Variants in SH3PXD2B observed in about 807,000 individuals in gnomAD.
SH3PXD2B encodes the protein SH3 and PX domain-containing protein 2B.
In SH3PXD2B, 37 loss-of-function variants were observed where a neutral mutation model predicts 73.1. That is an observed-to-expected ratio of 0.51 (90% CI 0.39 to 0.67). The LOEUF is 0.67. Ranked by LOEUF, SH3PXD2B falls within the 30% of genes least tolerant of loss-of-function variation. The pLI, the probability that SH3PXD2B is intolerant of heterozygous loss-of-function variation, is 0.00. For synonymous variants in SH3PXD2B, 457 were observed against 480.5 expected (o/e 0.95, Z 0.64); for missense variants, 1,053 against 1,197.8 (o/e 0.88, Z 1.78).
chr5:172,429,458 C>G (rs1299662706), intron 1 of SH3PXD2B, among the ~76,000 whole-genome samples: 2 of 152,176 alleles, frequency 1.3e-5, no homozygotes, highest in Non-Finnish European at 2.9e-5. Context: ...GAATCATCTA[C>G]CCTTTAAATC....
intron 1 of SH3PXD2B, among the ~76,000 whole-genome samples, chr5:172,438,385 G>T (rs1024257728): frequency 4.6e-5 from 7 of 152,300 alleles, no homozygotes; most frequent in African/African-American, 1.4e-4. Context: ...TTGGGGCAGG[G>T]CCGGGTTTGT....
At chr5:172,385,280 C>T in intron 4 of SH3PXD2B, among the ~76,000 whole-genome samples, 1 of 152,032 alleles carries the variant, frequency 6.6e-6, no homozygotes, top group East Asian at 1.9e-4. Flanking sequence ...GTGGCTTCCC[C>T]CCAAGACTAC....
chr5:172,443,461 C>T (rs1213254339), intron 1 of SH3PXD2B, among the ~76,000 whole-genome samples: 1 of 152,244 alleles, frequency 6.6e-6, no homozygotes, highest in African/African-American at 2.4e-5. Flanking sequence ...CACCCCTTTG[C>T]TTTTGAACCC....
chr5:172,423,187 T>C (rs1411236801), intron 1 of SH3PXD2B, among the ~76,000 whole-genome samples: 1 of 152,082 alleles, frequency 6.6e-6, no homozygotes, highest in Admixed American at 6.5e-5. Flanking sequence ...AGGTGACTAT[T>C]AGAGGTCAGA....
intron 1 of SH3PXD2B, among the ~76,000 whole-genome samples, chr5:172,443,627 C>G (rs950327550): frequency 2.0e-5 from 3 of 152,208 alleles, no homozygotes; most frequent in Admixed American, 1.3e-4. Context: ...TGGGCCAGAC[C>G]TGGCCCAGGG....
chr5:172,423,554 G>GT (rs34984907), intron 1 of SH3PXD2B, among the ~76,000 whole-genome samples: 53,523 of 144,648 alleles, frequency 0.37, 10,654 homozygotes, highest in East Asian at 0.69. Context: ...TTGGGGGGGG[G>GT]GGCGCACATT....
chr5:172,399,931 G>A (rs1758389580), intron 3 of SH3PXD2B, among the ~76,000 whole-genome samples: 1 of 152,174 alleles, frequency 6.6e-6, no homozygotes, highest in Non-Finnish European at 1.5e-5. Flanking sequence ...TAATGATAGT[G>A]TGTGGATGCC....
At chr5:172,360,571 C>T (rs1351870746) in intron 7 of SH3PXD2B, among the ~76,000 whole-genome samples, 1 of 152,208 alleles carries the variant, frequency 6.6e-6, no homozygotes, top group Non-Finnish European at 1.5e-5. Context: ...GTGGCTCACG[C>T]CTGCAATCCC....
intron 12 of SH3PXD2B, among the ~76,000 whole-genome samples, chr5:172,343,936 C>T (rs182500022): frequency 1.9e-3 from 287 of 152,048 alleles, no homozygotes; most frequent in South Asian, 0.01. Context: ...ACCTAACCCC[C>T]CTGAGTCTCA....
At position 172,376,030 on chromosome 5, in the gene SH3PXD2B, C is replaced by CTTTT. The variant is rs371476674; in HGVS notation, c.402-2219_402-2216dup. 5.8e-4 allele frequency among the ~76,000 whole-genome samples: 79 copies of CTTTT among 136,164 alleles called. 3 individuals are homozygous for CTTTT. In the South Asian group the frequency reaches 0.011, roughly 20 times the overall value. The allele number at this position is 136,164 out of a possible 152,430, so 89.3% of individuals were successfully genotyped here. A position where few individuals can be genotyped will look rare whatever the true frequency, so the allele number is the denominator to read the frequency against. ...CTTGACAATACTTGTCATGTATCTT[C>CTTTT]TTTTTTTTTTTTTTTTTGAGGTGGA... On this transcript the variant is annotated intron_variant, in intron 5 of 12. Coordinates refer to ENST00000311601, the MANE Select transcript of SH3PXD2B (RefSeq NM_001017995.3).
chr5:172,344,816 G>T (rs1327646654), intron 12 of SH3PXD2B, among the ~76,000 whole-genome samples: 1 of 152,168 alleles, frequency 6.6e-6, no homozygotes, highest in African/African-American at 2.4e-5. Flanking sequence ...GCAGGGGCCA[G>T]AGGATGCAGA....
intron 4 of SH3PXD2B, among the ~76,000 whole-genome samples, chr5:172,390,828 T>G (rs1003573528): frequency 8.7e-5 from 11 of 126,660 alleles, no homozygotes; most frequent in African/African-American, 4.4e-4. Flanking sequence ...TGTGTGTGTG[T>G]GTGTGTGTGT....
In SH3PXD2B at chr5:172,355,447, G is replaced by C. The variant is rs971456615; in HGVS notation, c.668-1442C>G. On this transcript the variant is annotated intron_variant, in intron 8 of 12. Coordinates refer to ENST00000311601, the MANE Select transcript of SH3PXD2B (RefSeq NM_001017995.3). The stretch of plus-strand genomic sequence containing the variant: ...AGTTCTGTTTGGTCCAGGTGGGAAA[G>C]GGTGCCACCCGGGTCCCAGAAAGAG... 3.3e-5 allele frequency among the ~76,000 whole-genome samples: 5 copies of C among 152,322 alleles called. No individual in the cohort carries two copies. The East Asian group carries it at 9.7e-4, about 29-fold the overall frequency.
intron 6 of SH3PXD2B, among the ~76,000 whole-genome samples, chr5:172,370,881 G>C (rs1481149026): frequency 1.3e-5 from 2 of 152,166 alleles, no homozygotes; most frequent in African/African-American, 2.4e-5. Flanking sequence ...GCTCTATAAT[G>C]CCATAATAAT....
Position 172,423,549 on chromosome 5 carries a change from G to C in SH3PXD2B, c.76-1053C>G, listed in dbSNP as rs535629254. 2.6e-3 allele frequency among the ~76,000 whole-genome samples: 374 copies of C among 142,972 alleles called. 8 individuals are homozygous for C. The highest frequency in any genetic ancestry group is 0.023 in the Admixed American group (333 of 14,628). 93.8% of individuals were successfully genotyped at this position (142,972 alleles called of 152,430 possible). ...TCACCCACTTGGATACGGGGTTGGGGGGGGGGGCGCACATTCTCTGTTCAT... is the reference window on the plus strand; with the variant it reads ...TCACCCACTTGGATACGGGGTTGGGCGGGGGGGCGCACATTCTCTGTTCAT... On this transcript the variant is annotated intron_variant, in intron 1 of 12. Transcript: ENST00000311601.
At position 172,432,477 on chromosome 5, in the gene SH3PXD2B, G is replaced by A. The variant is rs146277449; in HGVS notation, c.76-9981C>T. ...GAGTGTCGCTCATTCAACCTCAGCT[G>A]GGAACGTGCACGTTGGGTGACGCAA... On this transcript the variant is annotated intron_variant, in intron 1 of 12. Coordinates refer to ENST00000311601, the MANE Select transcript of SH3PXD2B (RefSeq NM_001017995.3). Among the ~76,000 whole-genome samples the A allele has an allele frequency of 4.8e-4, 73 of 152,282 alleles. 1 individual carries two copies. The East Asian group carries it at 8.3e-3, about 17-fold the overall frequency.
At chr5:172,344,371 T>C (rs1405299574) in intron 12 of SH3PXD2B, among the ~76,000 whole-genome samples, 4 of 152,052 alleles carry the variant, frequency 2.6e-5, no homozygotes, top group Non-Finnish European at 5.9e-5. Flanking sequence ...GCAGATCACC[T>C]GAGGTCAGGA....
At position 172,339,267 on chromosome 5, in the gene SH3PXD2B, C is replaced by T. The variant is rs745393171; in HGVS notation, c.1838G>A (p.Arg613Gln). 3.7e-5 allele frequency: 59 copies of T among 1,614,020 alleles called. No individual in the cohort carries two copies. Among genetic ancestry groups the T allele is most frequent in the East Asian group, 1.3e-4 (6 of 44,892 alleles). ...LAKEVKKPNL[R>Q]PISKSKTDLP... ...GTCAGTTTTGGATTTGGAGATGGGC[C>T]GGAGGTTGGGCTTCTTCACTTCCTT... Residue 613 changes from arginine to glutamine, a missense_variant, in exon 13 of 13, where the codon CGG becomes CAG. Arg to Gln is a conservative substitution (Grantham distance 43, BLOSUM62 1). Coordinates refer to ENST00000311601, the MANE Select transcript of SH3PXD2B (RefSeq NM_001017995.3). This position sits in a 1 kb window ranked among gnomAD's most constrained non-coding sequence, Gnocchi z 6.1.
At chr5:172,329,778 C>T (rs1756522560), downstream of SH3PXD2B, among the ~76,000 whole-genome samples, 1 of 152,084 alleles carries the variant, frequency 6.6e-6, no homozygotes, top group Non-Finnish European at 1.5e-5. Context: ...ACCTCGTGAT[C>T]CGCCCGCCTC....
Sources: gnomAD v4.1 joint callset for allele counts (sites outside exome capture counted in the v4.1 genomes callset) on GRCh38, gnomAD v4.1.1 for gene constraint, Gnocchi (gnomAD v3.1) non-coding constraint, MANE v1.5 for transcripts, NCBI Gene and HGNC (gene_info 2026-07-23, HGNC 2026-07-21) for gene names.